The following GALNT13 variants were observed in gnomAD, a reference collection of about 807,000 sequenced individuals.
GALNT13 encodes UDP-GalNAc:polypeptide N-acetylgalactosaminyltransferase 13.
A neutral mutation model predicts 64.2 loss-of-function variants in GALNT13; 28 were observed. The ratio of observed to expected loss-of-function variants is 0.44; its 90% confidence interval spans 0.32 to 0.60. GALNT13 has a LOEUF of 0.60. Among genes scored for constraint, GALNT13 ranks in the 20% least tolerant of loss-of-function variants. The pLI, the probability that GALNT13 is intolerant of heterozygous loss-of-function variation, is 0.05. For missense variants in GALNT13, 577 were observed against 669.8 expected (o/e 0.86, Z 1.53); for synonymous variants, 214 against 224.6 (o/e 0.95, Z 0.42).
At chr2:153,513,276 A>G in the GALNT13 span, among the ~76,000 whole-genome samples, 1 of 152,084 alleles carries the variant, frequency 6.6e-6, no homozygotes, top group Non-Finnish European at 1.5e-5. Flanking sequence ...TTACTTTCAT[A>G]GATTCATATT....
chr2:153,175,942 G>A, the GALNT13 span, among the ~76,000 whole-genome samples: 1 of 152,100 alleles, frequency 6.6e-6, no homozygotes, highest in African/African-American at 2.4e-5. Flanking sequence ...CTAACAGGAG[G>A]CTACACCAAA....
downstream of GALNT13, among the ~76,000 whole-genome samples, chr2:154,456,417 A>G (rs1448398751): frequency 1.3e-5 from 2 of 152,196 alleles, no homozygotes; most frequent in African/African-American, 2.4e-5. Context: ...AAATATGCCA[A>G]TTTAGTTTTC....
chr2:153,720,046 G>C, the GALNT13 span, among the ~76,000 whole-genome samples: 2 of 149,282 alleles, frequency 1.3e-5, no homozygotes, highest in Non-Finnish European at 3.0e-5. Context: ...AACCTCTGCA[G>C]ACTTAAATGT....
chr2:153,392,097 T>C, the GALNT13 span, among the ~76,000 whole-genome samples: 2 of 148,638 alleles, frequency 1.3e-5, no homozygotes, highest in African/African-American at 2.4e-5. Flanking sequence ...ACATTAAATA[T>C]GTAACTTATG....
rs371957635 is a variant in GALNT13 at position 153,948,358 on chromosome 2, T to C, written c.142+3719T>C. On this transcript the variant is annotated intron_variant, in intron 3 of 12. Transcript: ENST00000392825. The stretch of plus-strand genomic sequence containing the variant: ...TACTAAAAAGTCAAAAAATAACATA[T>C]GCTGGCAAGGTTGTGGAGAAAAAGG... Among the ~76,000 whole-genome samples, 8 of 152,066 alleles carry C rather than the reference T, an allele frequency of 5.3e-5. No individual in the cohort carries two copies. In the East Asian group the frequency reaches 1.6e-3, roughly 29 times the overall value.
the GALNT13 span, among the ~76,000 whole-genome samples, chr2:153,689,269 T>C: frequency 5.9e-5 from 9 of 152,040 alleles, no homozygotes; most frequent in Admixed American, 2.6e-4. Flanking sequence ...AATATGGATT[T>C]AATTTGTATT....
At chr2:154,327,755 A>G (rs943987358) in intron 9 of GALNT13, among the ~76,000 whole-genome samples, 1 of 152,138 alleles carries the variant, frequency 6.6e-6, no homozygotes, top group African/African-American at 2.4e-5. Context: ...ACAGAAGACA[A>G]TTTAAGGGAT....
At chr2:153,506,494 T>C in the GALNT13 span, among the ~76,000 whole-genome samples, 4 of 152,188 alleles carry the variant, frequency 2.6e-5, no homozygotes, top group Middle Eastern at 3.2e-3. Context: ...TTTGTTTCAA[T>C]ATTTAGAGCT....
the GALNT13 span, among the ~76,000 whole-genome samples, chr2:153,148,428 G>A: frequency 1.1e-4 from 17 of 151,080 alleles, no homozygotes; most frequent in Admixed American, 1.1e-3. Flanking sequence ...GAATCAAATC[G>A]TAGAGGCATA....
the GALNT13 span, among the ~76,000 whole-genome samples, chr2:153,480,059 A>C: frequency 6.6e-6 from 1 of 152,208 alleles, no homozygotes; most frequent in East Asian, 1.9e-4. Flanking sequence ...AAAATTTGAG[A>C]TAATGGGTAC....
intron 10 of GALNT13, 21 bp from the exon 11 acceptor site, chr2:154,408,963 C>G (rs747855596): frequency 1.6e-5 from 23 of 1,436,016 alleles, no homozygotes; most frequent in East Asian, 4.6e-5. Context: ...TTATCCCCCC[C>G]CTTTTGTGTG....
At chr2:154,116,656 A>G (rs554637677) in intron 3 of GALNT13, among the ~76,000 whole-genome samples, 36 of 152,280 alleles carry the variant, frequency 2.4e-4, no homozygotes, top group Non-Finnish European at 3.5e-4. Flanking sequence ...GGAATGTCAA[A>G]TGCATTTAGT....
chr2:153,231,720 G>A, the GALNT13 span, among the ~76,000 whole-genome samples: 2 of 151,784 alleles, frequency 1.3e-5, no homozygotes, highest in African/African-American at 4.8e-5. Flanking sequence ...TTCATAATTA[G>A]GATTATTTAG....
At chr2:153,620,251 G>A in the GALNT13 span, among the ~76,000 whole-genome samples, 4 of 152,056 alleles carry the variant, frequency 2.6e-5, no homozygotes, top group African/African-American at 9.6e-5. Flanking sequence ...AGCCTCCCAA[G>A]TAGCTGGGAT....
chr2:154,108,657 G>T (rs1024746850), intron 3 of GALNT13, among the ~76,000 whole-genome samples: 5 of 151,318 alleles, frequency 3.3e-5, no homozygotes, highest in African/African-American at 1.2e-4. Flanking sequence ...AAAATAATTG[G>T]CCAGCTCTTT....
the GALNT13 span, among the ~76,000 whole-genome samples, chr2:153,239,464 G>T: frequency 1.3e-5 from 2 of 152,074 alleles, no homozygotes; most frequent in Non-Finnish European, 2.9e-5. Flanking sequence ...GATACTATGT[G>T]TCTGTTTCAA....
At chr2:153,763,779 A>C in the GALNT13 span, among the ~76,000 whole-genome samples, 1 of 152,186 alleles carries the variant, frequency 6.6e-6, no homozygotes, top group African/African-American at 2.4e-5. Context: ...AGAGGTTGGA[A>C]TACATCAGAG....
At chr2:153,082,453 C>A in the GALNT13 span, among the ~76,000 whole-genome samples, 4 of 150,804 alleles carry the variant, frequency 2.7e-5, no homozygotes, top group Non-Finnish European at 4.4e-5. Flanking sequence ...TTCTCCAACT[C>A]CATCCAGGTT....
chr2:153,539,710 C>T, the GALNT13 span, among the ~76,000 whole-genome samples: 4,292 of 150,742 alleles, frequency 0.028, 198 homozygotes, highest in African/African-American at 0.097. Context: ...TGTAGATATG[C>T]GGCGTTATTT....
Sources: gnomAD v4.1 joint callset for allele counts (sites outside exome capture counted in the v4.1 genomes callset) on GRCh38, gnomAD v4.1.1 for gene constraint, MANE v1.5 for transcripts, NCBI Gene and HGNC (gene_info 2026-07-23, HGNC 2026-07-21) for gene names.